Variants in MR1 observed in about 807,000 individuals in gnomAD.
MR1 encodes the protein major histocompatibility complex, class I-related, also known as major histocompatibility complex class I-related protein 1.
MR1 carries 44 observed loss-of-function variants against 37.8 expected under a neutral mutation model. The ratio of observed to expected loss-of-function variants is 1.16; its 90% CI spans 0.91 to 1.50. The LOEUF is 1.50. MR1 is among the 40% of genes most tolerant of loss of function. The pLI is 0.00. For missense variants in MR1, 386 were observed against 419.1 expected (o/e 0.92, Z 0.69); for synonymous variants, 153 against 155.8 (o/e 0.98, Z 0.13).
At position 181,061,601 on chromosome 1, in the gene MR1, G is replaced by A. The variant is rs1008412415; in HGVS notation, c.*6336G>A. ...AAACGGTTAAAATTCCCTGGAAGAT[G>A]TTACATAATCCTATCATGGTGTTTA... On this transcript the variant is annotated 3_prime_UTR_variant, in exon 6 of 6. Coordinates refer to ENST00000367580, the MANE Select transcript of MR1 (RefSeq NM_001385161.1). 1.3e-5 allele frequency: 2 copies of A among 152,240 alleles called. No individual in the cohort carries two copies. The highest frequency in any genetic ancestry group is 1.5e-5 in the Non-Finnish European group (1 of 68,046). 9.4% of individuals were successfully genotyped at this position (152,240 alleles called of 1,614,324 possible). A position where few individuals can be genotyped will look rare whatever the true frequency, so the allele number is the denominator to read the frequency against.
In MR1 at chr1:181,034,044, A is replaced by C. The variant is rs773031436; in HGVS notation, c.37A>C (p.Ile13Leu). The change falls in exon 1 of 6, where the codon ATT becomes CTT. Residue 13 changes from isoleucine (I) to leucine (L), a missense_variant. By Grantham distance (5) the Ile-to-Leu change is conservative. Transcript: ENST00000367580. ...ELMAFLLPLIIVLMVKHSDSR... is the reference protein window; with the variant it reads ...ELMAFLLPLILVLMVKHSDSR... Reference sequence around the variant, plus strand: ...GATGGCGTTCCTGTTACCTCTCATCATTGTGTTAATGGTGAAGCACAGCGA... The same window carrying C: ...GATGGCGTTCCTGTTACCTCTCATCCTTGTGTTAATGGTGAAGCACAGCGA... 6.2e-7 allele frequency: 1 copy of C among 1,613,318 alleles called. No homozygotes were observed. The highest frequency in any genetic ancestry group is 8.5e-7 in the Non-Finnish European group (1 of 1,179,746).
chr1:181,034,194 T>C, intron 1 of MR1, 120 bp downstream of exon 1: 1 of 824,068 alleles, frequency 1.2e-6, no homozygotes. Context: ...AACGTGTATG[T>C]ATTACACTCA....
In MR1 at chr1:181,059,329, C is replaced by T. The variant is rs77505613; in HGVS notation, c.*4064C>T. The T allele has an allele frequency of 8.0e-3, 1,219 of 152,478 alleles. 24 individuals are homozygous for T. The highest frequency in any genetic ancestry group is 0.028 in the African/African-American group (1,144 of 41,560). The allele number at this position is 152,478 out of a possible 1,614,324, so 9.4% of individuals were successfully genotyped here. A position where few individuals can be genotyped will look rare whatever the true frequency, so the allele number is the denominator to read the frequency against. ...CTCTGCATCTCCTTTTCACTCTGGC[C>T]TCCCTTTCTCCATTGTCCTTCTAGC... is the stretch of plus-strand genomic sequence containing the variant. On this transcript the variant is annotated 3_prime_UTR_variant, in exon 6 of 6. Coordinates refer to ENST00000367580, the MANE Select transcript of MR1 (RefSeq NM_001385161.1).
At chr1:181,053,912 C>T (rs567039261) in intron 5 of MR1, among the ~76,000 whole-genome samples, 1 of 152,292 alleles carries the variant, frequency 6.6e-6, no homozygotes, top group Admixed American at 6.5e-5. Flanking sequence ...CAAACTAGTA[C>T]ATCTGTCCAG....
At position 181,055,227 on chromosome 1, in the gene MR1, C is replaced by T; in HGVS notation, c.988C>T (p.Gln330Ter). 1.9e-6 allele frequency: 3 copies of T among 1,613,646 alleles called. No individual in the cohort carries two copies. Among genetic ancestry groups the T allele is most frequent in the Non-Finnish European group, 2.5e-6 (3 of 1,179,578 alleles). Reference sequence around the variant, plus strand: ...ACTAAAAACCCCTTTCCTTTCAGAGCAAAATGGAGCCATCTACCTTCCAAC... The same window carrying T: ...ACTAAAAACCCCTTTCCTTTCAGAGTAAAATGGAGCCATCTACCTTCCAAC... ...VLVWRRRPRE[Q>*]NGAIYLPTPD... The change falls in exon 6 of 6, where the codon CAA becomes TAA. Residue 330 changes from glutamine (Q) to a stop codon, truncating the protein, a stop_gained and splice_region_variant. Transcript: ENST00000367580. LOFTEE classifies it high-confidence loss of function.
At chr1:181,044,531 C>T (rs139291632) in intron 1 of MR1, among the ~76,000 whole-genome samples, 4 of 152,148 alleles carry the variant, frequency 2.6e-5, no homozygotes, top group Non-Finnish European at 5.9e-5. Flanking sequence ...CCCTCTGCTA[C>T]CCACATCCTT....
upstream of MR1, chr1:181,033,808 G>A (rs774845042): frequency 1.1e-4 from 55 of 510,848 alleles, no homozygotes; most frequent in Non-Finnish European, 1.8e-4. Context: ...GGAGCAAGCA[G>A]TGTCTGAAAC....
At chr1:181,041,164 TTCTC>T (rs1223583424) in intron 1 of MR1, among the ~76,000 whole-genome samples, 2 of 152,202 alleles carry the variant, frequency 1.3e-5, no homozygotes, top group African/African-American at 4.8e-5. Flanking sequence ...CAGACCATAT[TTCTC>T]TCTATCTACC....
In MR1 at chr1:181,051,951, AG is replaced by A. The variant is rs557349122; in HGVS notation, c.605-283del. 1.7e-3 allele frequency among the ~76,000 whole-genome samples: 252 copies of A among 152,342 alleles called. 4 individuals are homozygous for A. The highest frequency in any genetic ancestry group is 5.9e-3 in the African/African-American group (245 of 41,578). On this transcript the variant is annotated intron_variant, in intron 3 of 5. Transcript: ENST00000367580. ...ACATAAAGGTATTTCAAAGGTTACT[AG>A]TAAACAACCCCAGCACACTTTCCAA...
intron 4 of MR1, 53 bp downstream of exon 4, chr1:181,052,563 G>A (rs908557724): frequency 1.3e-6 from 2 of 1,575,622 alleles, no homozygotes; most frequent in Non-Finnish European, 1.7e-6. Context: ...AAAGGGGTGA[G>A]CAGGAAACCA....
At chr1:181,034,480 T>TTCC (rs10685487) in intron 1 of MR1, among the ~76,000 whole-genome samples, 108,689 of 151,732 alleles carry the variant, frequency 0.72, 39,275 homozygotes, top group African/African-American at 0.79. Context: ...ATTTATGTTT[T>TTCC]TCCTCAACAC....
intron 1 of MR1, among the ~76,000 whole-genome samples, chr1:181,038,961 A>T (rs1657417573): frequency 6.6e-6 from 1 of 151,974 alleles, no homozygotes; most frequent in Admixed American, 6.5e-5. Flanking sequence ...GCGCCACCAC[A>T]CCCAGCTAAT....
chr1:181,052,479 C>T lies in MR1; in HGVS notation c.849C>T (p.Cys283=), dbSNP rs751845229. 6.6e-5 allele frequency: 106 copies of T among 1,613,856 alleles called. 1 individual carries two copies. The Admixed American group carries it at 9.7e-4, about 15-fold the overall frequency. ...TTTACTCCTGTCATGTGGAGCACTG[C>T]GGTGTCCACATGGTTCTTCAGGTCC... ...SNLYSCHVEH[C]GVHMVLQVPQ... Residue 283 remains cysteine (C), a synonymous_variant, in exon 4 of 6, where the codon TGC becomes TGT. Transcript: ENST00000367580.
At chr1:181,051,780 C>T (rs746840676) in intron 3 of MR1, among the ~76,000 whole-genome samples, 3 of 152,114 alleles carry the variant, frequency 2.0e-5, no homozygotes, top group Admixed American at 6.5e-5. Flanking sequence ...CAAGGCAATT[C>T]GGAGCCAAAA....
At chr1:181,052,186 T>C in intron 3 of MR1, 49 bp from the exon 4 acceptor site, 1 of 1,575,142 alleles carries the variant, frequency 6.3e-7, no homozygotes, top group East Asian at 2.2e-5. Flanking sequence ...TAATATTATA[T>C]GCTCAGTACA....
At position 181,061,242 on chromosome 1, in the gene MR1, T is replaced by C. The variant is rs1287661936; in HGVS notation, c.*5977T>C. The stretch of plus-strand genomic sequence containing the variant: ...CTGGTTTGTGAACCAACTGAAGACA[T>C]AAGCAGGGCCTCAGCTAACCCACAA... On this transcript the variant is annotated 3_prime_UTR_variant, in exon 6 of 6. Transcript: ENST00000367580. 6.6e-6 allele frequency: 1 copy of C among 152,252 alleles called. No homozygotes were observed. Among genetic ancestry groups the C allele is most frequent in the Non-Finnish European group, 1.5e-5 (1 of 68,048 alleles). 9.4% of individuals were successfully genotyped at this position (152,252 alleles called of 1,614,324 possible). A position where few individuals can be genotyped will look rare whatever the true frequency, so the allele number is the denominator to read the frequency against.
chr1:181,048,227 A>AAATGCTCAGTGCATGTGTTTGTGTGCC (rs1491398561), intron 1 of MR1, among the ~76,000 whole-genome samples: 1 of 143,988 alleles, frequency 6.9e-6, no homozygotes, highest in Non-Finnish European at 1.5e-5. Flanking sequence ...AAAAAAATAA[A>AAATGCTCAGTGCATGTGTTTGTGTGCC]TAAAATAAAA....
chr1:181,054,289 G>A (rs988658303), intron 5 of MR1, among the ~76,000 whole-genome samples: 1 of 152,154 alleles, frequency 6.6e-6, no homozygotes, highest in Non-Finnish European at 1.5e-5. Flanking sequence ...GCACTGTACT[G>A]GTTGCTGGGA....
At chr1:181,049,506 GC>G (rs1658162557) in intron 2 of MR1, 194 bp downstream of exon 2, 3 of 654,310 alleles carry the variant, frequency 4.6e-6, no homozygotes, top group Non-Finnish European at 7.7e-6. Flanking sequence ...TCCCCCAGGA[GC>G]ACTCTGTCAT....
Sources: gnomAD v4.1 joint callset for allele counts (sites outside exome capture counted in the v4.1 genomes callset) on GRCh38, gnomAD v4.1.1 for gene constraint, MANE v1.5 for transcripts, NCBI Gene and HGNC (gene_info 2026-07-23, HGNC 2026-07-21) for gene names.